CMIP: variants seen among roughly 807,000 people sequenced by gnomAD.
CMIP encodes the protein c-Maf inducing protein.
Under a neutral mutation model 97.3 loss-of-function variants are expected in CMIP, and 13 were observed. The ratio of observed to expected loss-of-function variants is 0.13; its 90% CI spans 0.09 to 0.21. The LOEUF (loss-of-function observed/expected upper bound fraction) is 0.21. Among genes scored for constraint, CMIP ranks in the 10% least tolerant of loss-of-function variants. CMIP has a pLI of 1.00. For synonymous variants in CMIP, 538 were observed against 436.3 expected (o/e 1.23, Z -2.91); for missense variants, 847 against 1,024.9 (o/e 0.83, Z 2.37).
chr16:81,593,431 C>T (rs757240036), intron 1 of CMIP, among the ~76,000 whole-genome samples: 7 of 152,110 alleles, frequency 4.6e-5, no homozygotes, highest in Admixed American at 3.3e-4. Flanking sequence ...CAGGTGCCAT[C>T]GGGTCTCTGA....
rs369719054 is a variant in CMIP at position 81,459,026 on chromosome 16, GTCACCA to G, written c.300+13514_300+13519del. Among the ~76,000 whole-genome samples the G allele has an allele frequency of 6.6e-3, 870 of 130,978 alleles. 4 individuals carry two copies. The highest frequency in any genetic ancestry group is 0.012 in the African/African-American group (455 of 37,688). 85.9% of individuals were successfully genotyped at this position (130,978 alleles called of 152,430 possible). A position where few individuals can be genotyped will look rare whatever the true frequency, so the allele number is the denominator to read the frequency against. The stretch of plus-strand genomic sequence containing the variant: ...CATCACCGTCACCGTCACCATCACT[GTCACCA>G]TCACCATCACCATCACCATCACCAT... On this transcript the variant is annotated intron_variant, in intron 1 of 20. Coordinates refer to ENST00000537098, the MANE Select transcript of CMIP (RefSeq NM_198390.3).
intron 1 of CMIP, among the ~76,000 whole-genome samples, chr16:81,485,657 A>G (rs1400987247): frequency 6.6e-6 from 1 of 152,356 alleles, no homozygotes; most frequent in African/African-American, 2.4e-5. Context: ...TAACAGTAAG[A>G]GCTAACATTA....
intron 1 of CMIP, among the ~76,000 whole-genome samples, chr16:81,590,715 C>T (rs1022466198): frequency 1.3e-5 from 2 of 152,170 alleles, no homozygotes; most frequent in African/African-American, 2.4e-5. Context: ...CCAGTCCTGG[C>T]GTAAACAACA....
intron 1 of CMIP, among the ~76,000 whole-genome samples, chr16:81,486,505 C>G (rs967790348): frequency 1.3e-5 from 2 of 152,300 alleles, no homozygotes; most frequent in Admixed American, 1.3e-4. Context: ...GGAGTTCATT[C>G]AGGAGGGGTG....
rs1231259106 is a variant in CMIP, at chr16:81,445,306, TGCTGGGGGGC to T, written c.67_76del (p.Leu23ThrfsTer25). ...CGGCAGATCGAGGAGACCAAGCCGC[TGCTGGGGGGC>T]GACGTGTCGGCCCCCGAAGGCACGA... On this transcript the variant is annotated frameshift_variant, in exon 1 of 21. Coordinates refer to ENST00000537098, the MANE Select transcript of CMIP (RefSeq NM_198390.3). LOFTEE classifies it high-confidence loss of function. The T allele has an allele frequency of 6.4e-6, 10 of 1,567,320 alleles. No homozygotes were observed. The highest frequency in any genetic ancestry group is 8.6e-6 in the Non-Finnish European group (10 of 1,158,062).
chr16:81,459,655 C>T (rs1234124876), intron 1 of CMIP, among the ~76,000 whole-genome samples: 1 of 152,208 alleles, frequency 6.6e-6, no homozygotes, highest in Non-Finnish European at 1.5e-5. Flanking sequence ...CATGCACTGC[C>T]TCTGACTGGT....
intron 1 of CMIP, among the ~76,000 whole-genome samples, chr16:81,540,318 A>C (rs1283980252): frequency 7.2e-5 from 11 of 152,064 alleles, no homozygotes; most frequent in Admixed American, 7.2e-4. Flanking sequence ...GGGCTTGCTC[A>C]CCCTGGCTGA....
At chr16:81,667,882 C>T (rs944898275) in intron 7 of CMIP, among the ~76,000 whole-genome samples, 10 of 148,664 alleles carry the variant, frequency 6.7e-5, no homozygotes, top group Admixed American at 5.4e-4. Context: ...GAACTTGCTC[C>T]GGGGGCTCTG....
rs144082144 is a variant in CMIP at position 81,667,428 on chromosome 16, G to T, written c.826-2714G>T. Among the ~76,000 whole-genome samples the T allele has an allele frequency of 2.2e-3, 340 of 152,324 alleles. 1 individual carries two copies. Among genetic ancestry groups the T allele is most frequent in the Middle Eastern group, 3.4e-3 (1 of 294 alleles). On this transcript the variant is annotated intron_variant, in intron 7 of 20. Coordinates refer to ENST00000537098, the MANE Select transcript of CMIP (RefSeq NM_198390.3). ...CGAGAAGACACGGCTGTGGTCCCCA[G>T]TGGACCGTCAAGTAACCTAACCTCC...
intron 1 of CMIP, among the ~76,000 whole-genome samples, chr16:81,563,458 A>G (rs3900599): frequency 0.21 from 31,932 of 152,208 alleles, 4,084 homozygotes; most frequent in African/African-American, 0.37. Flanking sequence ...GGTGCGGTCT[A>G]TGGACCAGCA....
At chr16:81,690,371 T>A (rs573006401) in intron 10 of CMIP, among the ~76,000 whole-genome samples, 4 of 152,348 alleles carry the variant, frequency 2.6e-5, no homozygotes, top group South Asian at 2.1e-4. Context: ...GGTCCTTCAC[T>A]TCCCTTGTAA....
chr16:81,531,740 C>G (rs1221042101), intron 1 of CMIP, among the ~76,000 whole-genome samples: 1 of 152,188 alleles, frequency 6.6e-6, no homozygotes, highest in Non-Finnish European at 1.5e-5. Flanking sequence ...AGAGGTCAAC[C>G]CGTGTGTCAT....
At chr16:81,598,447 C>T (rs960045227) in intron 1 of CMIP, among the ~76,000 whole-genome samples, 4 of 152,204 alleles carry the variant, frequency 2.6e-5, no homozygotes. Context: ...AGTGCAGATA[C>T]GGAGCGTTTG....
At chr16:81,536,165 G>A (rs1246826096) in intron 1 of CMIP, among the ~76,000 whole-genome samples, 1 of 152,228 alleles carries the variant, frequency 6.6e-6, no homozygotes. Flanking sequence ...TCAGGTAAGT[G>A]TTAATTATTA....
chr16:81,463,483 G>T (rs1907012866), intron 1 of CMIP, among the ~76,000 whole-genome samples: 1 of 152,220 alleles, frequency 6.6e-6, no homozygotes, highest in African/African-American at 2.4e-5. Context: ...GACGGCGGTT[G>T]TGGTTTTTAT....
chr16:81,547,935 C>T (rs1162117638), intron 1 of CMIP, among the ~76,000 whole-genome samples: 7 of 152,284 alleles, frequency 4.6e-5, no homozygotes, highest in African/African-American at 1.2e-4. Flanking sequence ...TCCTGTCACC[C>T]GAGCAACTCG....
intron 13 of CMIP, among the ~76,000 whole-genome samples, chr16:81,694,444 G>C (rs1906468141): frequency 6.6e-6 from 1 of 152,170 alleles, no homozygotes; most frequent in Admixed American, 6.5e-5. Context: ...TAGCTAAATG[G>C]GTCAAACTGG....
chr16:81,656,126 A>G (rs529132741), intron 4 of CMIP, among the ~76,000 whole-genome samples: 3 of 152,210 alleles, frequency 2.0e-5, no homozygotes, highest in African/African-American at 7.2e-5. Context: ...CTTGGGTCCA[A>G]CCTCACCTAG....
intron 3 of CMIP, among the ~76,000 whole-genome samples, chr16:81,640,250 G>A (rs2092287305): frequency 1.3e-5 from 2 of 149,824 alleles, no homozygotes; most frequent in African/African-American, 5.0e-5. Context: ...CAGTGTTTCT[G>A]TCCCCTGCTG....
Sources: gnomAD v4.1 joint callset for allele counts (sites outside exome capture counted in the v4.1 genomes callset) on GRCh38, gnomAD v4.1.1 for gene constraint, MANE v1.5 for transcripts, NCBI Gene and HGNC (gene_info 2026-07-23, HGNC 2026-07-21) for gene names.